CEP250: variants seen among roughly 807,000 people sequenced by gnomAD.
CEP250 encodes centrosome-associated protein CEP250.
A neutral mutation model predicts 315.7 loss-of-function variants in CEP250; 242 were observed. The ratio of observed to expected loss-of-function variants is 0.77; its 90% CI spans 0.69 to 0.85. The LOEUF is 0.85. Among genes scored for constraint, CEP250 ranks in the 40% least tolerant of loss-of-function variants. CEP250 has a pLI of 0.00. For missense variants in CEP250, 2,515 were observed against 2,886.4 expected, an observed-to-expected ratio of 0.87 and a Z score of 2.95; for synonymous variants, 1,088 against 1,175.0, an observed-to-expected ratio of 0.93 and a Z score of 1.51.
At chr20:35,469,414 T>G (rs1202132522) in intron 9 of CEP250, among the ~76,000 whole-genome samples, 3 of 152,220 alleles carry the variant, frequency 2.0e-5, no homozygotes, top group Admixed American at 2.0e-4. Context: ...AAGTGTTTGG[T>G]GATTTTGCTG....
At chr20:35,488,280 G>A (rs1286455407) in intron 20 of CEP250, among the ~76,000 whole-genome samples, 10 of 152,054 alleles carry the variant, frequency 6.6e-5, no homozygotes, top group Admixed American at 6.6e-4. Flanking sequence ...TATTTTTACA[G>A]TTGGCTTTGG....
chr20:35,498,404 G>T (rs1017448021), intron 26 of CEP250, among the ~76,000 whole-genome samples, 191 bp from the exon 27 acceptor site: 1 of 152,162 alleles, frequency 6.6e-6, no homozygotes, highest in East Asian at 1.9e-4. Context: ...GTGATAGCTC[G>T]CATTAATCTA....
At position 35,503,572 on chromosome 20, in the gene CEP250, G is replaced by A; in HGVS notation, c.5203G>A (p.Glu1735Lys). 1.2e-6 allele frequency: 2 copies of A among 1,613,856 alleles called. No individual in the cohort carries two copies. Among genetic ancestry groups the A allele is most frequent in the Non-Finnish European group, 1.7e-6 (2 of 1,179,740 alleles). The change falls in exon 30 of 35, where the codon GAG (glutamate) becomes AAG (lysine). Residue 1735 changes from glutamate (E) to lysine (K), a missense_variant. Transcript: ENST00000397527. This position sits in a 1 kb window ranked among gnomAD's most constrained non-coding sequence, Gnocchi z 4.2. Reference sequence around the variant, plus strand: ...CATGAAGCTGATCCTGCGTGATAAGGAGAAGGAGGTGGAATGTCAGCAGGA... The same window carrying A: ...CATGAAGCTGATCCTGCGTGATAAGAAGAAGGAGGTGGAATGTCAGCAGGA... Reference protein sequence around the residue: ...EHMKLILRDKEKEVECQQEHI... With the variant: ...EHMKLILRDKKKEVECQQEHI...
chr20:35,478,950 CAG>C (rs1301834048), intron 17 of CEP250, among the ~76,000 whole-genome samples: 1 of 152,150 alleles, frequency 6.6e-6, no homozygotes. Flanking sequence ...ACTTTCTTCC[CAG>C]TATTATGTGT....
intron 2 of CEP250, among the ~76,000 whole-genome samples, chr20:35,459,017 G>A (rs1460264836): frequency 2.9e-5 from 3 of 103,726 alleles, no homozygotes; most frequent in South Asian, 3.5e-4. Context: ...TGCTCTTGTC[G>A]CCCAGGCTGG....
In CEP250 at chr20:35,502,560, T is replaced by C; in HGVS notation, c.4191T>C (p.Ser1397=). 1 of 1,613,652 alleles carries C rather than the reference T, an allele frequency of 6.2e-7. No homozygotes were observed. Among genetic ancestry groups the C allele is most frequent in the South Asian group, 1.1e-5 (1 of 91,052 alleles). ...AGCTGAAAAATGAGGAAGTAGAGAG[T>C]GAGCGTGAGAGAGCCCAGGCTCTGC... The part of the protein sequence containing the change: ...ALKLKNEEVE[S]ERERAQALQE... Residue 1397 remains serine, a synonymous_variant, in exon 30 of 35, where the codon AGT becomes AGC. Transcript: ENST00000397527.
rs1442155683 is a variant in CEP250 at position 35,497,885 on chromosome 20, G to A, written c.3473G>A (p.Ser1158Asn). 2.5e-6 allele frequency: 4 copies of A among 1,604,614 alleles called. No individual in the cohort carries two copies. Among genetic ancestry groups the A allele is most frequent in the Admixed American group, 3.4e-5 (2 of 58,152 alleles). Residue 1158 changes from serine (S) to asparagine (N), a missense_variant, in exon 26 of 35, where the codon AGC becomes AAC. By Grantham distance (46) the Ser-to-Asn change is conservative. Coordinates refer to ENST00000397527, the MANE Select transcript of CEP250 (RefSeq NM_007186.6). The part of the protein sequence containing the change: ...KAAQLQLRLR[S>N]TESQLEALAA... The stretch of plus-strand genomic sequence containing the variant: ...GCCCAACTACAGCTGCGACTGCGCA[G>A]CACAGAGAGCCAGCTAGAAGCGCTG...
chr20:35,508,377 C>T (rs897326201), intron 32 of CEP250, among the ~76,000 whole-genome samples, 187 bp downstream of exon 32: 2 of 151,732 alleles, frequency 1.3e-5, no homozygotes, highest in Non-Finnish European at 2.9e-5. Flanking sequence ...TGGAATGGTA[C>T]GATCTCCGCT....
Position 35,505,646 on chromosome 20 carries a change from C to G in CEP250, c.6636+641C>G, listed in dbSNP as rs967783445. ...CGAGCCTGGGCAAAGAAACGAGACTCCATCTCAAAAAAAAAAAAAAAAAAA... is the reference window on the plus strand; with the variant it reads ...CGAGCCTGGGCAAAGAAACGAGACTGCATCTCAAAAAAAAAAAAAAAAAAA... On this transcript the variant is annotated intron_variant, in intron 30 of 34. Coordinates refer to ENST00000397527, the MANE Select transcript of CEP250 (RefSeq NM_007186.6). Among the ~76,000 whole-genome samples the G allele has an allele frequency of 4.3e-5, 5 of 116,998 alleles. No individual in the cohort carries two copies. The Admixed American group carries it at 4.8e-4, about 11-fold the overall frequency. The allele number at this position is 116,998 out of a possible 152,430, so 76.8% of individuals were successfully genotyped here.
chr20:35,508,881 G>C, intron 32 of CEP250, 62 bp from the exon 33 acceptor site: 2 of 1,380,700 alleles, frequency 1.4e-6, no homozygotes, highest in Non-Finnish European at 2.0e-6. Context: ...TCTGGAGAAA[G>C]GCAGCTCTGC....
rs753576216 is a variant in CEP250, at chr20:35,477,987, G to T, written c.1980G>T (p.Lys660Asn). 2.2e-5 allele frequency: 36 copies of T among 1,613,826 alleles called. No homozygotes were observed. The Admixed American group carries it at 5.3e-4, about 24-fold the overall frequency. The change falls in exon 17 of 35, where the codon AAG (lysine) becomes AAT (asparagine). Residue 660 changes from lysine (K) to asparagine (N), a missense_variant. Lys to Asn is a moderately conservative substitution (Grantham distance 94). Coordinates refer to ENST00000397527, the MANE Select transcript of CEP250 (RefSeq NM_007186.6). ...AEKRREALWE[K>N]NTHLEAQLQK... Reference sequence around the variant, plus strand: ...AGAGGAGGGAAGCCCTGTGGGAAAAGAACACTCACCTGGAGGCTCAGCTGC... The same window carrying T: ...AGAGGAGGGAAGCCCTGTGGGAAAATAACACTCACCTGGAGGCTCAGCTGC...
chr20:35,508,893 C>T, intron 32 of CEP250, 50 bp from the exon 33 acceptor site: 2 of 1,469,000 alleles, frequency 1.4e-6, no homozygotes, highest in Non-Finnish European at 1.9e-6. Context: ...CAGCTCTGCT[C>T]CAACCACAGA....
rs1401792774 is a variant in CEP250 at position 35,511,597 on chromosome 20, C to T, written c.7300C>T (p.Pro2434Ser). 6.2e-6 allele frequency: 10 copies of T among 1,612,440 alleles called. No homozygotes were observed. Among genetic ancestry groups the T allele is most frequent in the African/African-American group, 1.3e-5 (1 of 74,892 alleles). Reference protein sequence around the residue: ...SPGPVLLHPSPSTTQAASR With the variant: ...SPGPVLLHPSSSTTQAASR ...AGGGCCAGTCCTGCTACACCCCAGC[C>T]CCAGCACTACCCAAGCCGCCTCCAG... The change falls in exon 35 of 35, where the codon CCC (proline) becomes TCC (serine). Residue 2434 changes from proline (P) to serine (S), a missense_variant. By Grantham distance (74) the Pro-to-Ser change is moderately conservative. Coordinates refer to ENST00000397527, the MANE Select transcript of CEP250 (RefSeq NM_007186.6).
intron 33 of CEP250, among the ~76,000 whole-genome samples, chr20:35,509,773 G>T (rs1178036343): frequency 6.6e-6 from 1 of 152,242 alleles, no homozygotes; most frequent in Non-Finnish European, 1.5e-5. Flanking sequence ...AGGCCTTTTG[G>T]ATGTTTTGTG....
At chr20:35,490,613 A>G in intron 20 of CEP250, 24 bp from the exon 21 acceptor site, 1 of 1,606,590 alleles carries the variant, frequency 6.2e-7, no homozygotes, top group Non-Finnish European at 8.5e-7. Context: ...TTTGGTTCTA[A>G]TGGTGTTTCC....
intron 14 of CEP250, chr20:35,474,937 TG>T (rs769921296): frequency 8.1e-5 from 37 of 456,878 alleles, no homozygotes; most frequent in Non-Finnish European, 1.5e-4. Flanking sequence ...TCCTTGTACC[TG>T]GTAGGCATGA....
chr20:35,472,892 T>A, intron 12 of CEP250, 61 bp downstream of exon 12: 1 of 1,542,530 alleles, frequency 6.5e-7, no homozygotes, highest in South Asian at 1.1e-5. Flanking sequence ...GGTTTGTGCC[T>A]CAGGTACCTC....
chr20:35,503,450 A>G lies in CEP250; in HGVS notation c.5081A>G (p.Glu1694Gly), dbSNP rs1426389328. The change falls in exon 30 of 35, where the codon GAG (glutamate) becomes GGG (glycine). Residue 1694 changes from glutamate (E) to glycine (G), a missense_variant. Physicochemically the swap from Glu to Gly is moderately conservative, Grantham distance 98. Coordinates refer to ENST00000397527, the MANE Select transcript of CEP250 (RefSeq NM_007186.6). The surrounding 1 kb of genome is among the most constrained non-coding windows in gnomAD (Gnocchi z 4.2). ...DLEQIKLSLR[E>G]RGRELTTQRQ... is the part of the protein sequence containing the mutation. ...GAACAGATCAAGCTGTCCTTGAGAG[A>G]GCGAGGCCGGGAGCTGACCACTCAG... 5 of 1,613,990 alleles carry G rather than the reference A, an allele frequency of 3.1e-6. No individual in the cohort carries two copies. The African/African-American group carries it at 6.7e-5, about 22-fold the overall frequency.
rs1477076938 is a variant in CEP250, at chr20:35,513,149, C to T, written c.*1523C>T. ...ATGCTTAGTGAAAACTTCTGAAACCCCAGAAACAGATCTGGGGCCCCAGAA... is the reference window on the plus strand; with the variant it reads ...ATGCTTAGTGAAAACTTCTGAAACCTCAGAAACAGATCTGGGGCCCCAGAA... On this transcript the variant is annotated 3_prime_UTR_variant, in exon 35 of 35. Transcript: ENST00000397527. 1 of 152,240 alleles carries T rather than the reference C, an allele frequency of 6.6e-6. No homozygotes were observed. Among genetic ancestry groups the T allele is most frequent in the Non-Finnish European group, 1.5e-5 (1 of 68,052 alleles). The allele number at this position is 152,240 out of a possible 1,614,324, so 9.4% of individuals were successfully genotyped here.
Sources: gnomAD v4.1 joint callset for allele counts (sites outside exome capture counted in the v4.1 genomes callset) on GRCh38, gnomAD v4.1.1 for gene constraint, Gnocchi (gnomAD v3.1) non-coding constraint, MANE v1.5 for transcripts, NCBI Gene and HGNC (gene_info 2026-07-23, HGNC 2026-07-21) for gene names.